Variants in TET2 observed in about 807,000 individuals in gnomAD.
TET2 encodes the protein tet methylcytosine dioxygenase 2, also known as methylcytosine dioxygenase TET2.
Under a neutral mutation model 142.9 loss-of-function variants are expected in TET2, and 299 were observed. That is an observed-to-expected ratio of 2.09 (90% CI 1.90 to 2.30). The LOEUF is 2.30. TET2 is among the 30% of genes most tolerant of loss of function. The pLI, the probability that TET2 is intolerant of heterozygous loss-of-function variation, is 0.00. For synonymous variants in TET2, 819 were observed against 849.0 expected, an observed-to-expected ratio of 0.96 and a Z score of 0.61; for missense variants, 2,418 against 2,378.0, an observed-to-expected ratio of 1.02 and a Z score of -0.35.
chr4:105,246,544 A>G (rs1280493959), intron 6 of TET2, among the ~76,000 whole-genome samples: 1 of 152,252 alleles, frequency 6.6e-6, no homozygotes, highest in Admixed American at 6.5e-5. Flanking sequence ...CAATTCTCCA[A>G]AATAAAAAAT....
chr4:105,259,583 A>C (rs1376085964), intron 6 of TET2, 36 bp from the exon 7 acceptor site: 16 of 1,547,722 alleles, frequency 1.0e-5, no homozygotes, highest in Non-Finnish European at 1.3e-5. Flanking sequence ...ATATAATGCT[A>C]TCCATAGCAA....
chr4:105,195,315 A>T (rs1179215787), intron 2 of TET2, among the ~76,000 whole-genome samples: 1 of 152,176 alleles, frequency 6.6e-6, no homozygotes, highest in African/African-American at 2.4e-5. Context: ...ACGTTTATTC[A>T]TCTTTACAGA....
At chr4:105,269,881 C>T (rs1350340040) in intron 9 of TET2, 134 bp downstream of exon 9, 1 of 1,079,588 alleles carries the variant, frequency 9.3e-7, no homozygotes, top group East Asian at 2.6e-5. Context: ...CTGTGGAGGC[C>T]TCACAATCAT....
Position 105,275,042 on chromosome 4 carries a change from C to T in TET2, c.4538-6C>T, listed in dbSNP as rs755875155. 1 of 1,519,808 alleles carries T rather than the reference C, an allele frequency of 6.6e-7. No individual in the cohort carries two copies. The highest frequency in any genetic ancestry group is 1.3e-5 in the South Asian group (1 of 77,338). 94.1% of individuals were successfully genotyped at this position (1,519,808 alleles called of 1,614,324 possible). A position where few individuals can be genotyped will look rare whatever the true frequency, so the allele number is the denominator to read the frequency against. On this transcript the variant is annotated splice_region_variant and splice_polypyrimidine_tract_variant and intron_variant, in intron 10 of 10. Coordinates refer to ENST00000380013, the MANE Select transcript of TET2 (RefSeq NM_001127208.3). The stretch of plus-strand genomic sequence containing the variant: ...CTGTTTCTGTTCTCTCTTACCCTGT[C>T]CACAGAACTTTTGCGACTTTCAGGA...
intron 1 of TET2, among the ~76,000 whole-genome samples, chr4:105,175,612 A>G (rs573743772): frequency 3.3e-5 from 5 of 152,142 alleles, no homozygotes; most frequent in African/African-American, 9.7e-5. Context: ...TGTACGTGCA[A>G]TGGGCATACT....
intron 2 of TET2, among the ~76,000 whole-genome samples, chr4:105,206,391 T>C (rs1726826913): frequency 6.6e-6 from 1 of 152,246 alleles, no homozygotes; most frequent in Non-Finnish European, 1.5e-5. Context: ...TACACAGGTA[T>C]GTAACTCAGA....
intron 1 of TET2, among the ~76,000 whole-genome samples, chr4:105,147,278 T>C (rs928115355): frequency 2.0e-5 from 3 of 152,374 alleles, no homozygotes; most frequent in Middle Eastern, 6.8e-3. Context: ...CCGGCCTTTT[T>C]TAATCCTCAG....
intron 1 of TET2, among the ~76,000 whole-genome samples, chr4:105,168,930 T>A (rs750735841): frequency 5.3e-5 from 8 of 152,256 alleles, no homozygotes; most frequent in Non-Finnish European, 1.2e-4. Context: ...TTCCTTTTTA[T>A]GGCTGAGTAG....
At chr4:105,157,666 A>C (rs1298819247) in intron 1 of TET2, among the ~76,000 whole-genome samples, 4 of 152,060 alleles carry the variant, frequency 2.6e-5, no homozygotes, top group Non-Finnish European at 5.9e-5. Context: ...GGGAACTAAA[A>C]ATTTTTATTT....
upstream of TET2, chr4:105,146,202 C>T (rs62331149): frequency 0.068 from 10,321 of 152,574 alleles, 611 homozygotes; most frequent in African/African-American, 0.15. Flanking sequence ...CGCGCGGGGG[C>T]GTGTGCGCGG....
chr4:105,225,455 A>G (rs143550438), intron 2 of TET2, among the ~76,000 whole-genome samples: 21 of 152,184 alleles, frequency 1.4e-4, no homozygotes, highest in African/African-American at 5.1e-4. Context: ...TCCCTCAGCA[A>G]TGTTGTAGGT....
rs1268378481 is a variant in TET2, at chr4:105,243,607, G to A, written c.3632G>A (p.Cys1211Tyr). The A allele has an allele frequency of 3.2e-6, 5 of 1,551,550 alleles. No individual in the cohort carries two copies. The highest frequency in any genetic ancestry group is 1.4e-5 in the African/African-American group (1 of 73,052). The change falls in exon 6 of 11, where the codon TGT becomes TAT. Residue 1211 changes from cysteine (C) to tyrosine (Y), a missense_variant. Coordinates refer to ENST00000380013, the MANE Select transcript of TET2 (RefSeq NM_001127208.3). Reference sequence around the variant, plus strand: ...AGCAGCAGTGAAGAGAAGCTACTGTGTTTGGTGCGGGAGCGAGCTGGCCAC... The same window carrying A: ...AGCAGCAGTGAAGAGAAGCTACTGTATTTGGTGCGGGAGCGAGCTGGCCAC... The part of the protein sequence containing the change: ...RRSSSEEKLL[C>Y]LVRERAGHTC...
At chr4:105,232,746 C>A (rs773618994) in intron 2 of TET2, among the ~76,000 whole-genome samples, 3 of 152,076 alleles carry the variant, frequency 2.0e-5, no homozygotes, top group South Asian at 2.1e-4. Context: ...AGCCTGTATG[C>A]GGGGGGAAGA....
chr4:105,194,595 T>C (rs890265536), intron 2 of TET2, among the ~76,000 whole-genome samples: 2 of 152,152 alleles, frequency 1.3e-5, no homozygotes, highest in Non-Finnish European at 2.9e-5. Context: ...TTACAGGTCA[T>C]TCTTATGAAC....
At chr4:105,207,236 A>G (rs1439380863) in intron 2 of TET2, among the ~76,000 whole-genome samples, 1 of 152,214 alleles carries the variant, frequency 6.6e-6, no homozygotes, top group Non-Finnish European at 1.5e-5. Flanking sequence ...AAGATTTACT[A>G]TCTTGTGAGT....
chr4:105,145,986 C>G (rs1011495388), upstream of TET2: 11 of 152,010 alleles, frequency 7.2e-5, no homozygotes, highest in Non-Finnish European at 1.5e-5. Flanking sequence ...CTCGGTGAAA[C>G]AGGGGAGCGC....
chr4:105,262,026 C>T (rs866967513), intron 8 of TET2, among the ~76,000 whole-genome samples, 178 bp downstream of exon 8: 27 of 152,054 alleles, frequency 1.8e-4, no homozygotes, highest in African/African-American at 6.5e-4. Flanking sequence ...TACAAAAGTA[C>T]ATTTTTTTTG....
intron 6 of TET2, among the ~76,000 whole-genome samples, chr4:105,254,958 C>G (rs1269501816): frequency 6.6e-6 from 1 of 152,204 alleles, no homozygotes; most frequent in Non-Finnish European, 1.5e-5. Flanking sequence ...TATCCCAACA[C>G]TGGTTCCTAC....
chr4:105,198,070 C>T (rs1317108307), intron 2 of TET2, among the ~76,000 whole-genome samples: 2 of 152,170 alleles, frequency 1.3e-5, no homozygotes, highest in Non-Finnish European at 2.9e-5. Context: ...GGTGAGGTAG[C>T]TCACTCCTGT....
Sources: allele counts gnomAD v4.1 joint callset (sites outside exome capture counted in the v4.1 genomes callset), GRCh38; gene constraint gnomAD v4.1.1; transcripts MANE v1.5; gene names NCBI Gene and HGNC (gene_info 2026-07-23, HGNC 2026-07-21).